SIPA1L3: variants seen among roughly 807,000 people sequenced by gnomAD.
SIPA1L3 encodes signal-induced proliferation-associated 1-like protein 3.
SIPA1L3 carries 59 observed loss-of-function variants against 150.1 expected under a neutral mutation model. The ratio of observed to expected loss-of-function variants is 0.39; its 90% CI spans 0.32 to 0.49. The LOEUF (loss-of-function observed/expected upper bound fraction) is 0.49, where lower values mean the gene tolerates loss of function less well. Ranked by LOEUF, SIPA1L3 falls within the 20% of genes least tolerant of loss-of-function variation. SIPA1L3 has a pLI of 0.86. For synonymous variants in SIPA1L3, 1,070 were observed against 1,077.6 expected (o/e 0.99, Z 0.14); for missense variants, 2,211 against 2,489.5 (o/e 0.89, Z 2.38).
chr19:37,956,615 C>T (rs1025582630), intron 1 of SIPA1L3, among the ~76,000 whole-genome samples: 3 of 151,604 alleles, frequency 2.0e-5, no homozygotes, highest in Admixed American at 1.3e-4. Context: ...TCCTGAGTAG[C>T]CGGGATTACA....
chr19:38,103,935 T>A (rs8102568), intron 6 of SIPA1L3, among the ~76,000 whole-genome samples: 11,013 of 141,186 alleles, frequency 0.078, 1,229 homozygotes, highest in African/African-American at 0.25. Flanking sequence ...AAGAAAAAAA[T>A]ATATATATGT....
chr19:37,943,654 A>G (rs1487773299), intron 1 of SIPA1L3, among the ~76,000 whole-genome samples: 6 of 152,180 alleles, frequency 3.9e-5, no homozygotes, highest in African/African-American at 1.4e-4. Flanking sequence ...TTGGGCTGAA[A>G]GTGTTCTCAC....
At chr19:38,127,054 TG>T (rs1370807239) in intron 9 of SIPA1L3, among the ~76,000 whole-genome samples, 6 of 152,042 alleles carry the variant, frequency 3.9e-5, no homozygotes, top group African/African-American at 1.4e-4. Context: ...TAGCTGGGTG[TG>T]GTGGCGCATG....
intron 19 of SIPA1L3, 121 bp downstream of exon 19, chr19:38,198,653 G>A (rs1973020313): frequency 2.0e-6 from 2 of 1,024,454 alleles, no homozygotes; most frequent in Admixed American, 3.9e-5. Flanking sequence ...AGGGAGCAGG[G>A]TTCAAGTCCT....
At chr19:38,115,811 C>T (rs1366530844) in intron 8 of SIPA1L3, among the ~76,000 whole-genome samples, 1 of 152,204 alleles carries the variant, frequency 6.6e-6, no homozygotes, top group Non-Finnish European at 1.5e-5. Context: ...GTTCCCTTTC[C>T]TCATCTTTAT....
At chr19:38,155,791 G>A (rs1971933900) in intron 13 of SIPA1L3, among the ~76,000 whole-genome samples, 1 of 152,098 alleles carries the variant, frequency 6.6e-6, no homozygotes, top group Admixed American at 6.6e-5. Flanking sequence ...CTCAGCCCAT[G>A]GTTCTCTTAA....
intron 1 of SIPA1L3, among the ~76,000 whole-genome samples, chr19:38,022,609 G>A (rs918751944): frequency 6.6e-6 from 1 of 152,044 alleles, no homozygotes; most frequent in African/African-American, 2.4e-5. Flanking sequence ...TCGGGAGGCT[G>A]AGGCAGGAGA....
chr19:38,049,968 A>C (rs1290617375), intron 2 of SIPA1L3, among the ~76,000 whole-genome samples: 2 of 152,136 alleles, frequency 1.3e-5, no homozygotes, highest in Admixed American at 1.3e-4. Flanking sequence ...AGAGAGGCCC[A>C]GTCAGCACAG....
intron 1 of SIPA1L3, among the ~76,000 whole-genome samples, chr19:38,026,684 G>A (rs921769888): frequency 5.3e-5 from 8 of 152,144 alleles, no homozygotes; most frequent in African/African-American, 9.7e-5. Context: ...ACCTTCTTTC[G>A]GGTCTCGTTG....
At chr19:38,079,318 G>A (rs1969924783) in intron 2 of SIPA1L3, among the ~76,000 whole-genome samples, 1 of 152,208 alleles carries the variant, frequency 6.6e-6, no homozygotes, top group Non-Finnish European at 1.5e-5. Context: ...GGGCAACAGA[G>A]CGAGACTCCG....
chr19:38,149,037 T>C (rs537863940), intron 12 of SIPA1L3, among the ~76,000 whole-genome samples: 1 of 152,304 alleles, frequency 6.6e-6, no homozygotes, highest in East Asian at 1.9e-4. Flanking sequence ...TCAAATGGGA[T>C]ATATTCAGCA....
At chr19:38,104,124 C>G (rs1970568509) in intron 6 of SIPA1L3, among the ~76,000 whole-genome samples, 1 of 151,996 alleles carries the variant, frequency 6.6e-6, no homozygotes, top group South Asian at 2.1e-4. Context: ...CTTCCCCACA[C>G]CTCGCCAAGA....
chr19:37,975,515 G>A (rs573788593), intron 1 of SIPA1L3, among the ~76,000 whole-genome samples: 1 of 152,280 alleles, frequency 6.6e-6, no homozygotes, highest in East Asian at 1.9e-4. Context: ...TCTGTAAGAT[G>A]GGAGTGATAT....
Position 38,164,446 on chromosome 19 carries a change from G to C in SIPA1L3, c.3781-33G>C. The C allele has an allele frequency of 1.9e-6, 3 of 1,569,720 alleles. No individual in the cohort carries two copies. Among genetic ancestry groups the C allele is most frequent in the Non-Finnish European group, 2.6e-6 (3 of 1,151,262 alleles). ...AGGGAAGATGCGCCCCTGCCCTGGA[G>C]TCTGGGAATGACACGCTTCTCTTGC... On this transcript the variant is annotated intron_variant, in intron 14 of 21. Coordinates refer to ENST00000222345, the MANE Select transcript of SIPA1L3 (RefSeq NM_015073.3). The surrounding 1 kb of genome is among the most constrained non-coding windows in gnomAD (Gnocchi z 4.1).
In SIPA1L3 at chr19:38,187,517, T is replaced by A. The variant is rs531241737; in HGVS notation, c.4431-4628T>A. Among the ~76,000 whole-genome samples, 122 of 148,236 alleles carry A rather than the reference T, an allele frequency of 8.2e-4. 1 individual carries two copies. Among genetic ancestry groups the A allele is most frequent in the African/African-American group, 2.9e-3 (117 of 39,938 alleles). The stretch of plus-strand genomic sequence containing the variant: ...TGGATCACGAGGTCAGGAGATCGAG[T>A]CCATCCTGGCTAACACGGTGAAACC... On this transcript the variant is annotated intron_variant, in intron 16 of 21. Transcript: ENST00000222345.
At chr19:37,968,222 G>A (rs914487331) in intron 1 of SIPA1L3, among the ~76,000 whole-genome samples, 6 of 152,218 alleles carry the variant, frequency 3.9e-5, no homozygotes, top group South Asian at 2.1e-4. Flanking sequence ...ACAGGCACGC[G>A]CTGCCATGCC....
intron 5 of SIPA1L3, 48 bp downstream of exon 5, chr19:38,100,198 A>C (rs1970469675): frequency 2.9e-6 from 4 of 1,379,000 alleles, no homozygotes; most frequent in Non-Finnish European, 3.9e-6. Context: ...AGTACCTTGC[A>C]ACCCCACTCC....
chr19:38,056,254 C>CAT (rs1969311867), intron 2 of SIPA1L3, among the ~76,000 whole-genome samples: 1 of 152,250 alleles, frequency 6.6e-6, no homozygotes, highest in African/African-American at 2.4e-5. Context: ...GGGTGGCTAC[C>CAT]CTGGCCTCCT....
chr19:38,107,315 A>C (rs1970644692), intron 7 of SIPA1L3, among the ~76,000 whole-genome samples: 2 of 152,222 alleles, frequency 1.3e-5, no homozygotes, highest in South Asian at 4.1e-4. Context: ...GCCAAGCCCG[A>C]GGCTCATGCC....
Sources: allele counts gnomAD v4.1 joint callset (sites outside exome capture counted in the v4.1 genomes callset), GRCh38; gene constraint gnomAD v4.1.1; non-coding constraint Gnocchi (gnomAD v3.1); transcripts MANE v1.5; gene names NCBI Gene and HGNC (gene_info 2026-07-23, HGNC 2026-07-21).